Variants in OR1J2 observed in about 807,000 individuals in gnomAD.
OR1J2 encodes olfactory receptor 1J2.
For missense variants in OR1J2, 304 were observed against 246.1 expected (o/e 1.24, Z -1.57); for synonymous variants, 142 against 99.7 (o/e 1.42, Z -2.52).
chr9:122,473,415 A>G, the OR1J2 span, among the ~76,000 whole-genome samples: 1 of 152,176 alleles, frequency 6.6e-6, no homozygotes, highest in African/African-American at 2.4e-5. Flanking sequence ...TCTCTTTACC[A>G]TATGTAAGAA....
the OR1J2 span, among the ~76,000 whole-genome samples, chr9:122,481,714 A>G: frequency 2.6e-5 from 4 of 152,212 alleles, no homozygotes; most frequent in African/African-American, 9.6e-5. Context: ...TGGCAAGTAT[A>G]CGAAGAAAAG....
chr9:122,497,575 C>G, the OR1J2 span, among the ~76,000 whole-genome samples: 1 of 151,990 alleles, frequency 6.6e-6, no homozygotes, highest in Non-Finnish European at 1.5e-5. Flanking sequence ...GTTAATCTAG[C>G]TAGTGGTCTA....
chr9:122,532,733 G>T, the OR1J2 span, among the ~76,000 whole-genome samples: 90 of 152,274 alleles, frequency 5.9e-4, no homozygotes, highest in African/African-American at 2.1e-3. Context: ...GCTGCACGGA[G>T]ACATGATGGT....
the OR1J2 span, among the ~76,000 whole-genome samples, chr9:122,479,658 C>A: frequency 6.6e-6 from 1 of 152,112 alleles, no homozygotes; most frequent in Non-Finnish European, 1.5e-5. Flanking sequence ...AATACCAGTA[C>A]CAGAAGGACG....
the OR1J2 span, among the ~76,000 whole-genome samples, chr9:122,527,910 A>G: frequency 1.6e-4 from 25 of 152,318 alleles, no homozygotes; most frequent in Admixed American, 1.4e-3. Context: ...TGTTTCCTTT[A>G]ATCCTTAAAC....
At chr9:122,555,618 A>G in the OR1J2 span, among the ~76,000 whole-genome samples, 1 of 152,278 alleles carries the variant, frequency 6.6e-6, no homozygotes, top group African/African-American at 2.4e-5. Flanking sequence ...AAAGATATCT[A>G]CCTCAAGGAA....
At chr9:122,454,988 C>T in the OR1J2 span, among the ~76,000 whole-genome samples, 8 of 152,112 alleles carry the variant, frequency 5.3e-5, no homozygotes, top group East Asian at 1.9e-4. Flanking sequence ...CTTTTATGTC[C>T]GGCTTCTTTC....
At chr9:122,479,514 A>T in the OR1J2 span, among the ~76,000 whole-genome samples, 1 of 152,230 alleles carries the variant, frequency 6.6e-6, no homozygotes, top group Non-Finnish European at 1.5e-5. Flanking sequence ...CACAACTTAA[A>T]TTCAGTCTTT....
At chr9:122,476,713 T>G in the OR1J2 span, among the ~76,000 whole-genome samples, 1 of 152,104 alleles carries the variant, frequency 6.6e-6, no homozygotes. Context: ...TTTTTTTCTT[T>G]TTTCTTTTTT....
the OR1J2 span, among the ~76,000 whole-genome samples, chr9:122,556,323 A>G: frequency 3.4e-5 from 5 of 147,860 alleles, no homozygotes; most frequent in African/African-American, 1.2e-4. Context: ...TTTCAGCACT[A>G]TTTGTTGAAG....
chr9:122,521,103 T>G, the OR1J2 span, among the ~76,000 whole-genome samples: 5 of 152,230 alleles, frequency 3.3e-5, no homozygotes, highest in Admixed American at 6.5e-5. Flanking sequence ...CAATTTCTTC[T>G]TCTGTATAGG....
chr9:122,457,764 A>G, the OR1J2 span, among the ~76,000 whole-genome samples: 2,606 of 152,264 alleles, frequency 0.017, 31 homozygotes, highest in East Asian at 0.071. Flanking sequence ...AATTAGAAAA[A>G]AACACCAAAT....
At chr9:122,520,013 C>T in the OR1J2 span, 20 of 1,614,150 alleles carry the variant, frequency 1.2e-5, no homozygotes, top group Admixed American at 3.0e-4. Context: ...TCATTTATAG[C>T]CTAAGGAACA....
rs145911830 is a variant in OR1J2 at position 122,511,106 on chromosome 9, A to AT, written c.312dup (p.Ile105TyrfsTer5). 0.082 allele frequency: 80,545 copies of AT among 979,770 alleles called. 3,830 individuals carry two copies. Among genetic ancestry groups the AT allele is most frequent in the Middle Eastern group, 0.13 (597 of 4,592 alleles). 60.7% of individuals were successfully genotyped at this position (979,770 alleles called of 1,614,324 possible). On this transcript the variant is annotated frameshift_variant, in exon 1 of 1. Transcript: ENST00000335302. LOFTEE classifies it low-confidence loss of function (END_TRUNC). Reference sequence around the variant, plus strand: ...TATGAGGAATGCATTTCTCAGATGTATTTTTTTATATTTTTTACTGACCTG... The same window carrying AT: ...TATGAGGAATGCATTTCTCAGATGTATTTTTTTTATATTTTTTACTGACCTG...
chr9:122,575,704 T>C, the OR1J2 span, among the ~76,000 whole-genome samples: 111 of 152,322 alleles, frequency 7.3e-4, no homozygotes, highest in Non-Finnish European at 1.3e-3. Context: ...AAAGTGGTTA[T>C]TATTATGAAG....
the OR1J2 span, among the ~76,000 whole-genome samples, chr9:122,520,463 C>T: frequency 6.6e-6 from 1 of 152,158 alleles, no homozygotes; most frequent in Non-Finnish European, 1.5e-5. Context: ...CAGTTCTCTT[C>T]TCACATTTTT....
chr9:122,503,574 T>A, the OR1J2 span, among the ~76,000 whole-genome samples: 1 of 152,236 alleles, frequency 6.6e-6, no homozygotes, highest in Non-Finnish European at 1.5e-5. Flanking sequence ...TTAATCTTTT[T>A]GTTCAGTGTC....
the OR1J2 span, among the ~76,000 whole-genome samples, chr9:122,555,844 A>C: frequency 6.6e-6 from 1 of 152,206 alleles, no homozygotes; most frequent in Non-Finnish European, 1.5e-5. Flanking sequence ...AGAGTGGTAC[A>C]TTTATTACAA....
the OR1J2 span, among the ~76,000 whole-genome samples, chr9:122,463,385 T>G: frequency 6.6e-6 from 1 of 152,242 alleles, no homozygotes; most frequent in African/African-American, 2.4e-5. Context: ...GGTGCCTCCC[T>G]GATTGGCTTA....
Sources: gnomAD v4.1 joint callset for allele counts (sites outside exome capture counted in the v4.1 genomes callset) on GRCh38, gnomAD v4.1.1 for gene constraint, MANE v1.5 for transcripts, NCBI Gene and HGNC (gene_info 2026-07-23, HGNC 2026-07-21) for gene names.